The following PSMD1 variants were observed in gnomAD, a reference collection of about 807,000 sequenced individuals.
The protein encoded by PSMD1 is proteasome 26S subunit, non-ATPase 1.
In PSMD1, 18 loss-of-function variants were observed where a neutral mutation model predicts 119.0. That is an observed-to-expected ratio of 0.15 (90% CI 0.10 to 0.22). PSMD1 has a LOEUF of 0.22. PSMD1 is among the 10% of genes least tolerant of loss of function. The pLI, the probability that PSMD1 is intolerant of heterozygous loss-of-function variation, is 1.00. For missense variants in PSMD1, 702 were observed against 1,158.5 expected (o/e 0.61, Z 5.72); for synonymous variants, 374 against 396.6 (o/e 0.94, Z 0.68).
chr2:231,091,263 G>C (rs1694582582), intron 16 of PSMD1, among the ~76,000 whole-genome samples: 1 of 152,208 alleles, frequency 6.6e-6, no homozygotes, highest in Non-Finnish European at 1.5e-5. Context: ...ATTAGTTTCT[G>C]GAGACAAGAG....
Position 231,072,406 on chromosome 2 carries a change from A to G in PSMD1, c.872A>G (p.Glu291Gly). 6.2e-7 allele frequency: 1 copy of G among 1,608,222 alleles called. No individual in the cohort carries two copies. ...STNTGTVPGS[E>G]KDSDSMETEE... is the part of the protein sequence containing the mutation. Reference sequence around the variant, plus strand: ...AATACGGGTACTGTTCCGGGATCAGAGAAAGACAGGTATAAGTACCTTTTT... The same window carrying G: ...AATACGGGTACTGTTCCGGGATCAGGGAAAGACAGGTATAAGTACCTTTTT... The change falls in exon 7 of 25, where the codon GAG (glutamate) becomes GGG (glycine). Residue 291 changes from glutamate (E) to glycine (G), a missense_variant. Transcript: ENST00000308696.
At chr2:231,143,259 T>C (rs1271259835) in intron 17 of PSMD1, among the ~76,000 whole-genome samples, 1 of 151,680 alleles carries the variant, frequency 6.6e-6, no homozygotes, top group Non-Finnish European at 1.5e-5. Flanking sequence ...AGACAGAGTC[T>C]TGCTCTGTTG....
intron 18 of PSMD1, 124 bp downstream of exon 18, chr2:231,146,480 G>T (rs752237578): frequency 5.7e-6 from 4 of 699,068 alleles, no homozygotes; most frequent in Non-Finnish European, 7.4e-6. Context: ...TAAAAGTAAA[G>T]AGAGCATTTT....
intron 17 of PSMD1, among the ~76,000 whole-genome samples, chr2:231,142,300 T>C (rs993243824): frequency 3.3e-5 from 5 of 152,244 alleles, no homozygotes; most frequent in Non-Finnish European, 7.3e-5. Context: ...CGAATGTAGT[T>C]ATAGAAATTG....
chr2:231,167,419 T>G (rs1377398579), intron 23 of PSMD1, among the ~76,000 whole-genome samples: 2 of 152,234 alleles, frequency 1.3e-5, no homozygotes, highest in African/African-American at 2.4e-5. Flanking sequence ...ATGAGCACAC[T>G]GTACACCACA....
chr2:231,073,381 G>A (rs1323263609), intron 7 of PSMD1, among the ~76,000 whole-genome samples: 1 of 152,098 alleles, frequency 6.6e-6, no homozygotes, highest in African/African-American at 2.4e-5. Flanking sequence ...TAAAACAAAG[G>A]TATGCCTATA....
intron 8 of PSMD1, 31 bp from the exon 9 acceptor site, chr2:231,077,003 G>A (rs750946682): frequency 4.5e-5 from 71 of 1,578,964 alleles, no homozygotes; most frequent in Middle Eastern, 3.6e-4. Context: ...CTGTTTATGA[G>A]TTTTCATTTT....
chr2:231,103,016 C>G lies in PSMD1; in HGVS notation c.1883+15835C>G, dbSNP rs574209499. 2.0e-5 allele frequency among the ~76,000 whole-genome samples: 3 copies of G among 152,362 alleles called. No individual in the cohort carries two copies. The South Asian group carries it at 6.2e-4, about 32-fold the overall frequency. ...TAGAAGAGATTTTCTACCCCAGGTT[C>G]CCTGGGAGTGAATCTTTGTTATAAA... On this transcript the variant is annotated intron_variant, in intron 16 of 24. Coordinates refer to ENST00000308696, the MANE Select transcript of PSMD1 (RefSeq NM_002807.4).
chr2:231,165,773 C>G (rs1183840642), intron 22 of PSMD1, 98 bp from the exon 23 acceptor site: 1 of 1,108,330 alleles, frequency 9.0e-7, no homozygotes, highest in Non-Finnish European at 1.3e-6. Flanking sequence ...ACCACTACCT[C>G]TTGTACCTTA....
At chr2:231,071,578 G>A (rs1694041714) in intron 6 of PSMD1, among the ~76,000 whole-genome samples, 1 of 151,906 alleles carries the variant, frequency 6.6e-6, no homozygotes, top group South Asian at 2.1e-4. Context: ...TTTTGTTTGT[G>A]TTATTTCGTG....
intron 17 of PSMD1, among the ~76,000 whole-genome samples, chr2:231,142,103 G>A (rs796808503): frequency 1.6e-4 from 24 of 152,052 alleles, no homozygotes; most frequent in East Asian, 3.9e-4. Flanking sequence ...GGCTGGTCTC[G>A]AACTCCTGAC....
At chr2:231,149,104 A>G (rs938155317) in intron 18 of PSMD1, among the ~76,000 whole-genome samples, 2 of 152,244 alleles carry the variant, frequency 1.3e-5, no homozygotes, top group East Asian at 1.9e-4. Flanking sequence ...TTATGTAACC[A>G]TTAATATATG....
chr2:231,162,939 T>TA (rs1281028571), intron 20 of PSMD1, among the ~76,000 whole-genome samples: 1 of 144,740 alleles, frequency 6.9e-6, no homozygotes, highest in Non-Finnish European at 1.5e-5. Flanking sequence ...CTACTAAAAA[T>TA]ACAAAAAAAA....
intron 16 of PSMD1, among the ~76,000 whole-genome samples, chr2:231,098,356 TTTCTC>T (rs894944573): frequency 7.2e-5 from 11 of 151,936 alleles, no homozygotes; most frequent in Admixed American, 5.9e-4. Context: ...GGTACACTGT[TTTCTC>T]TTTACTACTT....
rs1478280893 is a variant in PSMD1, at chr2:231,170,409, G to T, written c.2716-157G>T. 8 of 721,198 alleles carry T rather than the reference G, an allele frequency of 1.1e-5. No homozygotes were observed. The highest frequency in any genetic ancestry group is 1.8e-5 in the African/African-American group (1 of 54,980). The allele number at this position is 721,198 out of a possible 1,614,324, so 44.7% of individuals were successfully genotyped here. On this transcript the variant is annotated intron_variant, in intron 23 of 24. Coordinates refer to ENST00000308696, the MANE Select transcript of PSMD1 (RefSeq NM_002807.4). This position sits in a 1 kb window ranked among gnomAD's most constrained non-coding sequence, Gnocchi z 4.1. ...GTTAAGTTTGCAAATACTTCGTATA[G>T]ATCACAGTTATCTTTATCCCAGTAA... is the stretch of plus-strand genomic sequence containing the variant.
chr2:231,083,689 G>A lies in PSMD1; in HGVS notation c.1648G>A (p.Val550Ile). 1 of 1,614,224 alleles carries A rather than the reference G, an allele frequency of 6.2e-7. No homozygotes were observed. The highest frequency in any genetic ancestry group is 8.5e-7 in the Non-Finnish European group (1 of 1,180,046). ...TGAGAAGATTCTGCGTGGTCTTGCA[G>A]TTGGCATAGCTTTAGTAATGTATGG... ...QHEKILRGLA[V>I]GIALVMYGRM... The change falls in exon 14 of 25, where the codon GTT becomes ATT. Residue 550 changes from valine (V) to isoleucine (I), a missense_variant. Val to Ile is a conservative substitution (Grantham distance 29, BLOSUM62 3). Around this residue, in one of 9 missense-constraint regions of PSMD1, gnomAD observed 272 missense variants for 511.6 expected, o/e 0.53. Coordinates refer to ENST00000308696, the MANE Select transcript of PSMD1 (RefSeq NM_002807.4).
chr2:231,083,622 G>A lies in PSMD1; in HGVS notation c.1581G>A (p.Gln527=), dbSNP rs898113488. Residue 527 remains glutamine (Q), a synonymous_variant, in exon 14 of 25, where the codon CAG becomes CAA. Transcript: ENST00000308696. ...GLVMLGSKNA[Q]AIEDMVGYAQ... ...TTATGTTGGGCTCTAAAAATGCTCA[G>A]GCTATTGAGGACATGGTTGGTTATG... is the stretch of plus-strand genomic sequence containing the variant. 7.4e-6 allele frequency: 12 copies of A among 1,614,108 alleles called. No homozygotes were observed. The highest frequency in any genetic ancestry group is 8.5e-6 in the Non-Finnish European group (10 of 1,180,054).
At chr2:231,063,251 T>A (rs1693804665) in intron 4 of PSMD1, among the ~76,000 whole-genome samples, 1 of 152,246 alleles carries the variant, frequency 6.6e-6, no homozygotes, top group African/African-American at 2.4e-5. Context: ...GGCAAGGCTT[T>A]GAATTTTCTG....
intron 16 of PSMD1, among the ~76,000 whole-genome samples, chr2:231,129,575 C>A (rs1284048189): frequency 6.6e-6 from 1 of 152,168 alleles, no homozygotes; most frequent in Admixed American, 6.5e-5. Context: ...CAAATAAATT[C>A]TCTTTCACTG....
Sources: gnomAD v4.1 joint callset for allele counts (sites outside exome capture counted in the v4.1 genomes callset) on GRCh38, gnomAD v4.1.1 for gene constraint, gnomAD v4.1.1 regional missense constraint, Gnocchi (gnomAD v3.1) non-coding constraint, MANE v1.5 for transcripts, NCBI Gene and HGNC (gene_info 2026-07-23, HGNC 2026-07-21) for gene names.